CABIN1: variants seen among roughly 807,000 people sequenced by gnomAD.
CABIN1 encodes calcineurin binding protein 1, also known as calcineurin-binding protein cabin-1.
CABIN1 carries 133 observed loss-of-function variants against 227.7 expected under a neutral mutation model. The observed-to-expected ratio is 0.58, with a 90% CI of 0.51 to 0.67. The LOEUF (loss-of-function observed/expected upper bound fraction) is 0.67, where lower values mean the gene tolerates loss of function less well. Ranked by LOEUF, CABIN1 falls within the 30% of genes least tolerant of loss-of-function variation. The pLI is 0.00. For synonymous variants in CABIN1, 1,086 were observed against 1,155.1 expected, an observed-to-expected ratio of 0.94 and a Z score of 1.21; for missense variants, 2,408 against 2,852.5, an observed-to-expected ratio of 0.84 and a Z score of 3.55.
intron 19 of CABIN1, among the ~76,000 whole-genome samples, chr22:24,079,021 C>G (rs1023757597): frequency 6.6e-6 from 1 of 152,100 alleles, no homozygotes; most frequent in Non-Finnish European, 1.5e-5. Flanking sequence ...TACATTGATA[C>G]AAGTACATCT....
At chr22:24,105,810 C>T (rs937184804) in intron 26 of CABIN1, among the ~76,000 whole-genome samples, 1 of 152,256 alleles carries the variant, frequency 6.6e-6, no homozygotes, top group East Asian at 1.9e-4. Flanking sequence ...CTTCTTCCAT[C>T]TGGCCTTGCT....
At position 24,097,309 on chromosome 22, in the gene CABIN1, AT is replaced by A. The variant is rs1370737916; in HGVS notation, c.3939-702del. 2.9e-4 allele frequency among the ~76,000 whole-genome samples: 44 copies of A among 152,202 alleles called. 1 individual carries two copies. The highest frequency in any genetic ancestry group is 7.3e-5 in the Non-Finnish European group (5 of 68,036). On this transcript the variant is annotated intron_variant, in intron 25 of 36. Transcript: ENST00000263119. ...AGAGTTAGCTACTATTCACAGTTTAATTTCCTAAATCATTTTCTGTATATTT... is the reference window on the plus strand; with the variant it reads ...AGAGTTAGCTACTATTCACAGTTTAATTCCTAAATCATTTTCTGTATATTT...
At chr22:24,027,940 G>GT (rs765677302) in intron 1 of CABIN1, among the ~76,000 whole-genome samples, 369 of 141,616 alleles carry the variant, frequency 2.6e-3, no homozygotes, top group Non-Finnish European at 3.0e-3. Flanking sequence ...CTACTGGCAG[G>GT]TTTTTTTTTT....
intron 17 of CABIN1, among the ~76,000 whole-genome samples, chr22:24,071,958 C>T (rs1306473225): frequency 6.6e-6 from 1 of 152,170 alleles, no homozygotes; most frequent in Admixed American, 6.5e-5. Context: ...CACCTGTCTG[C>T]CCCACCCCTC....
At chr22:24,087,304 G>A in intron 22 of CABIN1, 148 bp from the exon 23 acceptor site, 3 of 958,822 alleles carry the variant, frequency 3.1e-6, no homozygotes, top group Non-Finnish European at 4.8e-6. Flanking sequence ...CATGGTCATG[G>A]CATTAGTGAG....
At chr22:24,108,870 C>T (rs1317137156) in intron 26 of CABIN1, among the ~76,000 whole-genome samples, 3 of 152,218 alleles carry the variant, frequency 2.0e-5, no homozygotes, top group Admixed American at 1.3e-4. Context: ...GCAAAACCCT[C>T]TGCTCATTCA....
At chr22:24,090,722 G>A (rs1023351427) in intron 23 of CABIN1, among the ~76,000 whole-genome samples, 4 of 152,080 alleles carry the variant, frequency 2.6e-5, no homozygotes, top group Non-Finnish European at 4.4e-5. Context: ...CCTTGCCAGA[G>A]ACTAGTGCCT....
intron 18 of CABIN1, among the ~76,000 whole-genome samples, chr22:24,074,793 G>A (rs996457650): frequency 6.6e-6 from 1 of 152,176 alleles, no homozygotes; most frequent in African/African-American, 2.4e-5. Context: ...GAAAATCGTA[G>A]AACTGAGGAA....
rs554301730 is a variant in CABIN1, at chr22:24,176,621, G to A, written c.6205+346G>A. ...GCCCAGAGTGGGGAAAGAGGAGTAG[G>A]CATGGACAGGGCGGAGCATGGGCCT... On this transcript the variant is annotated intron_variant, in intron 35 of 36. Transcript: ENST00000263119. Among the ~76,000 whole-genome samples the A allele has an allele frequency of 2.0e-5, 3 of 152,306 alleles. No individual in the cohort carries two copies. In the East Asian group the frequency reaches 5.8e-4, roughly 29 times the overall value.
In CABIN1 at chr22:24,038,464, GAGGCATCAGC is replaced by G. The variant is rs1370569902; in HGVS notation, c.210+8_210+17del. 6.2e-7 allele frequency: 1 copy of G among 1,607,696 alleles called. No homozygotes were observed. Among genetic ancestry groups the G allele is most frequent in the East Asian group, 2.2e-5 (1 of 44,878 alleles). On this transcript the variant is annotated splice_donor_5th_base_variant and intron_variant, in intron 4 of 36. Coordinates refer to ENST00000263119, the MANE Select transcript of CABIN1 (RefSeq NM_012295.4). ...TGGAGGCGAGCCTGCTGCGGGAGGT[GAGGCATCAGC>G]AGGCCAGGCAGTGTGCCGTGGTGGT...
At chr22:24,139,353 C>A (rs2044608426) in intron 29 of CABIN1, among the ~76,000 whole-genome samples, 1 of 152,048 alleles carries the variant, frequency 6.6e-6, no homozygotes, top group African/African-American at 2.4e-5. Flanking sequence ...GGTGGGTGGA[C>A]CACCTGAGGT....
intron 29 of CABIN1, among the ~76,000 whole-genome samples, chr22:24,151,544 G>C (rs1275279718): frequency 6.6e-6 from 1 of 152,138 alleles, no homozygotes; most frequent in African/African-American, 2.4e-5. Flanking sequence ...CAGCTCAGCA[G>C]TCTTCCAAAG....
intron 16 of CABIN1, among the ~76,000 whole-genome samples, chr22:24,069,047 A>G (rs2039898330): frequency 6.6e-6 from 1 of 152,220 alleles, no homozygotes; most frequent in South Asian, 2.1e-4. Context: ...TATGTTTTGC[A>G]TTTAACTTGT....
At position 24,164,528 on chromosome 22, in the gene CABIN1, G is replaced by A. The variant is rs969892781; in HGVS notation, c.4875G>A (p.Val1625=). 6.2e-7 allele frequency: 1 copy of A among 1,605,710 alleles called. No individual in the cohort carries two copies. Among genetic ancestry groups the A allele is most frequent in the Non-Finnish European group, 8.5e-7 (1 of 1,179,960 alleles). ...GGGACCACAGCACCCTGCTGAAGGT[G>A]TCCTCCATGCTTCAGCGGACCCCAG... ...QLRDHSTLLK[V]SSMLQRTPDQ... Residue 1625 remains valine (V), a synonymous_variant, in exon 30 of 37, where the codon GTG becomes GTA. Transcript: ENST00000263119.
intron 29 of CABIN1, chr22:24,160,195 T>C (rs1171426460): frequency 2.0e-5 from 3 of 152,140 alleles, no homozygotes; most frequent in Non-Finnish European, 2.9e-5. Flanking sequence ...AGACATAGGA[T>C]GAATCTCTAT....
intron 1 of CABIN1, among the ~76,000 whole-genome samples, chr22:24,016,045 T>G (rs1000922665): frequency 1.3e-5 from 2 of 152,152 alleles, no homozygotes; most frequent in Non-Finnish European, 2.9e-5. Flanking sequence ...AATTGAGTGG[T>G]TTTTAGTACA....
chr22:24,170,442 C>T (rs1289312404), intron 33 of CABIN1, among the ~76,000 whole-genome samples: 2 of 152,212 alleles, frequency 1.3e-5, no homozygotes, highest in Non-Finnish European at 2.9e-5. Context: ...TGAGCGAGCA[C>T]AGGGACACTG....
chr22:24,095,892 C>T (rs763120368), intron 24 of CABIN1, 39 bp from the exon 25 acceptor site: 2 of 1,612,810 alleles, frequency 1.2e-6, no homozygotes, highest in South Asian at 1.1e-5. Flanking sequence ...ATCTTAGCAA[C>T]TGGGAAGGCT....
Position 24,087,709 on chromosome 22 carries a change from A to G in CABIN1, c.3521A>G (p.Gln1174Arg). Reference protein sequence around the residue: ...WRGELPPELVQQMEGRRDSML... With the variant: ...WRGELPPELVRQMEGRRDSML... Reference sequence around the variant, plus strand: ...GGCGAGCTGCCCCCTGAGCTCGTGCAGCAGGTGAGGAGGGGGTGCTGCAGA... The same window carrying G: ...GGCGAGCTGCCCCCTGAGCTCGTGCGGCAGGTGAGGAGGGGGTGCTGCAGA... Residue 1174 changes from glutamine (Q) to arginine (R), a missense_variant, in exon 23 of 37, where the codon CAG becomes CGG. Gln to Arg is a conservative substitution (Grantham distance 43). Transcript: ENST00000263119. 2 of 1,613,808 alleles carry G rather than the reference A, an allele frequency of 1.2e-6. No individual in the cohort carries two copies. The highest frequency in any genetic ancestry group is 1.7e-6 in the Non-Finnish European group (2 of 1,180,036).
Sources: allele counts gnomAD v4.1 joint callset (sites outside exome capture counted in the v4.1 genomes callset), GRCh38; gene constraint gnomAD v4.1.1; transcripts MANE v1.5; gene names NCBI Gene and HGNC (gene_info 2026-07-23, HGNC 2026-07-21).